Variants in PHF21A observed in about 807,000 individuals in gnomAD.
PHF21A encodes the protein BHC80a.
A neutral mutation model predicts 82.5 loss-of-function variants in PHF21A; 11 were observed. The observed-to-expected ratio is 0.13, with a 90% confidence interval of 0.08 to 0.22. The LOEUF (loss-of-function observed/expected upper bound fraction) is 0.22, where lower values mean the gene tolerates loss of function less well. Ranked by LOEUF, PHF21A falls within the 10% of genes least tolerant of loss-of-function variation. The pLI, the probability that PHF21A is intolerant of heterozygous loss-of-function variation, is 1.00. For missense variants in PHF21A, 579 were observed against 837.8 expected (o/e 0.69, Z 3.81); for synonymous variants, 297 against 302.8 (o/e 0.98, Z 0.20).
chr11:45,935,602 T>C lies in PHF21A; in HGVS notation c.1788+34A>G, dbSNP rs773291494. ...GGAAAGGCCTAGGTCTCTGCACCTA[T>C]GTATCGACTGCTGAAGGCATGAGGT... On this transcript the variant is annotated intron_variant, in intron 18 of 18. Transcript: ENST00000676320. 2.7e-5 allele frequency: 27 copies of C among 994,344 alleles called. 1 individual carries two copies. Among genetic ancestry groups the C allele is most frequent in the Non-Finnish European group, 3.4e-5 (21 of 616,976 alleles). The allele number at this position is 994,344 out of a possible 1,614,324, so 61.6% of individuals were successfully genotyped here. A position where few individuals can be genotyped will look rare whatever the true frequency, so the allele number is the denominator to read the frequency against.
intron 6 of PHF21A, among the ~76,000 whole-genome samples, chr11:45,997,042 G>C (rs1246422820): frequency 6.6e-6 from 1 of 152,164 alleles, no homozygotes. Flanking sequence ...CACTTTTCTA[G>C]AGATATAAAA....
Position 46,080,158 on chromosome 11 carries a change from T to G in PHF21A, c.55-992A>C, listed in dbSNP as rs542224177. Among the ~76,000 whole-genome samples the G allele has an allele frequency of 2.6e-5, 4 of 152,268 alleles. No individual in the cohort carries two copies. The East Asian group carries it at 7.7e-4, about 29-fold the overall frequency. ...TTCTAAAATATACTATATATTTATC[T>G]AACTACTAGTTTTTTTTTGAGACAG... is the stretch of plus-strand genomic sequence containing the variant. On this transcript the variant is annotated intron_variant, in intron 4 of 18. Coordinates refer to ENST00000676320, the MANE Select transcript of PHF21A (RefSeq NM_001352027.3).
chr11:46,080,008 T>C (rs2096771425), intron 4 of PHF21A, among the ~76,000 whole-genome samples: 1 of 152,118 alleles, frequency 6.6e-6, no homozygotes, highest in Non-Finnish European at 1.5e-5. Flanking sequence ...TAAAGGAACA[T>C]CAGAAGTCCT....
chr11:45,958,270 A>C (rs1162100525), intron 10 of PHF21A, among the ~76,000 whole-genome samples: 1 of 150,328 alleles, frequency 6.7e-6, no homozygotes, highest in Non-Finnish European at 1.5e-5. Flanking sequence ...CTGATACCAA[A>C]GCCAAAGACA....
At chr11:46,021,866 T>C (rs963652633) in intron 6 of PHF21A, among the ~76,000 whole-genome samples, 8 of 152,194 alleles carry the variant, frequency 5.3e-5, no homozygotes, top group Admixed American at 3.3e-4. Context: ...TTATCTTCTT[T>C]GAATTCACAT....
At chr11:45,991,445 C>T (rs2094696794) in intron 6 of PHF21A, among the ~76,000 whole-genome samples, 1 of 152,036 alleles carries the variant, frequency 6.6e-6, no homozygotes, top group African/African-American at 2.4e-5. Flanking sequence ...TAAAGAGTTC[C>T]AACTCCTGAT....
chr11:45,953,261 T>C (rs975320463), intron 11 of PHF21A, among the ~76,000 whole-genome samples: 1 of 152,220 alleles, frequency 6.6e-6, no homozygotes, highest in East Asian at 1.9e-4. Context: ...ATTTGTAACA[T>C]GCATATGAAG....
At chr11:45,981,613 C>A (rs1470425926) in intron 6 of PHF21A, among the ~76,000 whole-genome samples, 1 of 151,934 alleles carries the variant, frequency 6.6e-6, no homozygotes, top group Non-Finnish European at 1.5e-5. Context: ...CAAGTTAGTT[C>A]ATTAGCAGAG....
chr11:45,992,844 G>A (rs1459774527), intron 6 of PHF21A, among the ~76,000 whole-genome samples: 1 of 152,158 alleles, frequency 6.6e-6, no homozygotes, highest in Non-Finnish European at 1.5e-5. Context: ...ACAGCTTAAA[G>A]TACCTTACAT....
chr11:46,004,254 A>G (rs1396348327), intron 6 of PHF21A, among the ~76,000 whole-genome samples: 1 of 152,192 alleles, frequency 6.6e-6, no homozygotes. Context: ...TAAAAACCAA[A>G]TAACTCAATG....
intron 10 of PHF21A, among the ~76,000 whole-genome samples, chr11:45,962,686 G>GA (rs201978704): frequency 0.86 from 101,406 of 117,896 alleles, 44,469 homozygotes; most frequent in East Asian, 0.99. Flanking sequence ...GAGGTCAGGA[G>GA]TCTGAGACCA....
chr11:46,044,923 C>T (rs985546512), intron 6 of PHF21A, among the ~76,000 whole-genome samples: 3 of 152,178 alleles, frequency 2.0e-5, no homozygotes, highest in South Asian at 2.1e-4. Flanking sequence ...AGGAACTGAT[C>T]GAAGCTTTCA....
At chr11:46,036,745 G>T (rs2096012307) in intron 6 of PHF21A, among the ~76,000 whole-genome samples, 1 of 152,046 alleles carries the variant, frequency 6.6e-6, no homozygotes, top group Non-Finnish European at 1.5e-5. Flanking sequence ...ATTTTACCTT[G>T]TATATGGACA....
At chr11:46,057,409 A>G (rs139060012) in intron 6 of PHF21A, among the ~76,000 whole-genome samples, 1 of 152,294 alleles carries the variant, frequency 6.6e-6, no homozygotes, top group African/African-American at 2.4e-5. Context: ...GTGTTAATTC[A>G]ATACATATAA....
intron 10 of PHF21A, among the ~76,000 whole-genome samples, chr11:45,961,579 G>A (rs955866186): frequency 2.0e-5 from 3 of 152,214 alleles, no homozygotes; most frequent in African/African-American, 4.8e-5. Flanking sequence ...TTATGGTAAC[G>A]TGGCAATTTT....
At chr11:45,946,513 A>G (rs1193799473) in intron 14 of PHF21A, among the ~76,000 whole-genome samples, 1 of 152,024 alleles carries the variant, frequency 6.6e-6, no homozygotes, top group Admixed American at 6.5e-5. Context: ...CCTCCCACGT[A>G]GCTGGGACAA....
intron 10 of PHF21A, among the ~76,000 whole-genome samples, chr11:45,956,694 G>A (rs904949919): frequency 6.6e-6 from 1 of 151,884 alleles, no homozygotes; most frequent in Non-Finnish European, 1.5e-5. Flanking sequence ...ACAGAAATGA[G>A]GAAAGCATGA....
chr11:45,964,354 G>A (rs1215571643), intron 10 of PHF21A, among the ~76,000 whole-genome samples: 1 of 151,932 alleles, frequency 6.6e-6, no homozygotes, highest in African/African-American at 2.4e-5. Context: ...TGAATGCAAG[G>A]TCTGCCGCAT....
chr11:45,961,682 G>A (rs528254988), intron 10 of PHF21A, among the ~76,000 whole-genome samples: 2 of 152,194 alleles, frequency 1.3e-5, no homozygotes, highest in South Asian at 2.1e-4. Context: ...GTGGGGTGGA[G>A]AAGAAACATA....
Sources: allele counts gnomAD v4.1 joint callset (sites outside exome capture counted in the v4.1 genomes callset), GRCh38; gene constraint gnomAD v4.1.1; transcripts MANE v1.5; gene names NCBI Gene and HGNC (gene_info 2026-07-23, HGNC 2026-07-21).